The following EYA3 variants were observed in gnomAD, a reference collection of about 807,000 sequenced individuals.
The protein encoded by EYA3 is EYA transcriptional coactivator and phosphatase 3.
In EYA3, 39 loss-of-function variants were observed where a neutral mutation model predicts 80.0. The ratio of observed to expected loss-of-function variants is 0.49; its 90% CI spans 0.38 to 0.64. The LOEUF (loss-of-function observed/expected upper bound fraction) is 0.64, where lower values mean the gene tolerates loss of function less well. Among genes scored for constraint, EYA3 ranks in the 30% least tolerant of loss-of-function variants. EYA3 has a pLI of 0.00. For missense variants in EYA3, 523 were observed against 676.1 expected, an observed-to-expected ratio of 0.77 and a Z score of 2.51; for synonymous variants, 206 against 232.8, an observed-to-expected ratio of 0.88 and a Z score of 1.05.
intron 2 of EYA3, among the ~76,000 whole-genome samples, chr1:28,055,467 T>C (rs1251824709): frequency 1.4e-5 from 2 of 144,194 alleles, no homozygotes; most frequent in Non-Finnish European, 3.0e-5. Flanking sequence ...AAAATCTTTT[T>C]TTTTTTTTTT....
chr1:27,986,013 T>C (rs1433596391), intron 16 of EYA3, among the ~76,000 whole-genome samples: 2 of 152,170 alleles, frequency 1.3e-5, no homozygotes, highest in African/African-American at 2.4e-5. Flanking sequence ...TATTTTCTTT[T>C]TCCTTTAAAA....
rs1638755954 is a variant in EYA3, at chr1:27,972,098, G to C, written c.*2368C>G. On this transcript the variant is annotated 3_prime_UTR_variant, in exon 18 of 18. Coordinates refer to ENST00000373871, the MANE Select transcript of EYA3 (RefSeq NM_001990.4). ...CAAAAGGGTGGAGAGGGAAGTATCT[G>C]TGTGTGTGTGCTTGCGTGCATGGTG... The C allele has an allele frequency of 6.6e-6, 1 of 152,190 alleles. No individual in the cohort carries two copies. The highest frequency in any genetic ancestry group is 1.9e-4 in the East Asian group (1 of 5,200). The allele number at this position is 152,190 out of a possible 1,614,324, so 9.4% of individuals were successfully genotyped here.
intron 5 of EYA3, among the ~76,000 whole-genome samples, chr1:28,037,993 T>C (rs1192661820): frequency 1.3e-5 from 2 of 152,214 alleles, no homozygotes; most frequent in East Asian, 3.9e-4. Context: ...GTATACACAC[T>C]GTTCTGCACC....
chr1:28,047,355 A>G (rs1269992654), intron 3 of EYA3, among the ~76,000 whole-genome samples: 1 of 152,144 alleles, frequency 6.6e-6, no homozygotes, highest in African/African-American at 2.4e-5. Context: ...TATAAGGAAG[A>G]AACTAAAGTT....
chr1:28,086,223 C>CTTTT lies in EYA3; in HGVS notation c.-69+2297_-69+2300dup, dbSNP rs5773209. On this transcript the variant is annotated intron_variant, in intron 1 of 17. Transcript: ENST00000373871. ...AAATTAACTGTTTAAGTTGTAATTTCTTTTTTTTTTTTAAGAGAGTCTCAC... is the reference window on the plus strand; with the variant it reads ...AAATTAACTGTTTAAGTTGTAATTTCTTTTTTTTTTTTTTTTAAGAGAGTCTCAC... Among the ~76,000 whole-genome samples the CTTTT allele has an allele frequency of 2.5e-3, 365 of 146,710 alleles. 1 individual carries two copies. Among genetic ancestry groups the CTTTT allele is most frequent in the African/African-American group, 8.8e-3 (352 of 39,976 alleles).
At chr1:27,975,918 G>T (rs1213711019) in intron 17 of EYA3, among the ~76,000 whole-genome samples, 4 of 152,138 alleles carry the variant, frequency 2.6e-5, no homozygotes, top group Admixed American at 1.3e-4. Flanking sequence ...TGATTCTCAT[G>T]TGGAGGCCAT....
chr1:28,013,187 T>A lies in EYA3; in HGVS notation c.693A>T (p.Thr231=). The change falls in exon 9 of 18, where the codon ACA becomes ACT. Residue 231 remains threonine, a synonymous_variant. Transcript: ENST00000373871. This position sits in a 1 kb window ranked among gnomAD's most constrained non-coding sequence, Gnocchi z 4.0. Reference sequence around the variant, plus strand: ...CCGACTGGTATGTGGTTGCTGCTAATGTGGTGCTCTCTGCATCACTGTTAG... The same window carrying A: ...CCGACTGGTATGTGGTTGCTGCTAAAGTGGTGCTCTCTGCATCACTGTTAG... ...GQTNSDAEST[T]LAATTYQSEK... is the part of the protein sequence containing the mutation. The A allele has an allele frequency of 6.2e-7, 1 of 1,614,170 alleles. No homozygotes were observed. Among genetic ancestry groups the A allele is most frequent in the Non-Finnish European group, 8.5e-7 (1 of 1,180,010 alleles).
At chr1:28,003,536 T>C (rs1283090907) in intron 11 of EYA3, among the ~76,000 whole-genome samples, 8 of 152,006 alleles carry the variant, frequency 5.3e-5, no homozygotes, top group African/African-American at 1.9e-4. Context: ...TTAGTAACCA[T>C]ATGAAATAAC....
intron 13 of EYA3, among the ~76,000 whole-genome samples, chr1:27,994,984 A>G (rs899186246): frequency 6.6e-6 from 1 of 151,834 alleles, no homozygotes; most frequent in African/African-American, 2.4e-5. Context: ...AAAAAAAGGA[A>G]CCACTTCTGT....
Position 28,067,763 on chromosome 1 carries a change from A to G in EYA3, c.-68-9669T>C, listed in dbSNP as rs144804250. ...CAAAAGCAACGAACTTCCAATAGTT[A>G]AAGAATTTGCTATTGGAAGAGACTT... On this transcript the variant is annotated intron_variant, in intron 1 of 17. Transcript: ENST00000373871. 6.8e-3 allele frequency among the ~76,000 whole-genome samples: 1,031 copies of G among 152,342 alleles called. 5 individuals are homozygous for G. Among genetic ancestry groups the G allele is most frequent in the Non-Finnish European group, 0.01 (711 of 68,022 alleles).
At chr1:28,068,891 C>CCGCCT (rs796445819) in intron 1 of EYA3, among the ~76,000 whole-genome samples, 166 of 152,290 alleles carry the variant, frequency 1.1e-3, no homozygotes, top group African/African-American at 3.9e-3. Flanking sequence ...ACTGCAACCT[C>CCGCCT]CGCCTCCTGG....
chr1:28,061,902 G>A (rs1014340623), intron 1 of EYA3, among the ~76,000 whole-genome samples: 2 of 141,506 alleles, frequency 1.4e-5, no homozygotes, highest in South Asian at 2.3e-4. Context: ...CCCGGTCAAC[G>A]GTTTTTTTTT....
chr1:28,015,614 T>G (rs961024635), intron 8 of EYA3, among the ~76,000 whole-genome samples: 1 of 151,950 alleles, frequency 6.6e-6, no homozygotes, highest in Non-Finnish European at 1.5e-5. Flanking sequence ...AAAAAATTAA[T>G]GAGATAGTAT....
At chr1:28,061,116 T>G (rs1396875082) in intron 1 of EYA3, among the ~76,000 whole-genome samples, 3 of 152,158 alleles carry the variant, frequency 2.0e-5, no homozygotes, top group African/African-American at 4.8e-5. Flanking sequence ...AAAAGCTGCC[T>G]ACAAGGAAAG....
intron 2 of EYA3, among the ~76,000 whole-genome samples, chr1:28,056,228 A>G (rs1409559433): frequency 6.6e-6 from 1 of 152,174 alleles, no homozygotes; most frequent in African/African-American, 2.4e-5. Context: ...GCCCTAAATC[A>G]TAAATCAACC....
chr1:28,065,984 G>A (rs971778892), intron 1 of EYA3, among the ~76,000 whole-genome samples: 1 of 151,932 alleles, frequency 6.6e-6, no homozygotes, highest in African/African-American at 2.4e-5. Context: ...ACTCCAGCCT[G>A]GGCAAGAGTG....
rs547355033 is a variant in EYA3 at position 28,044,573 on chromosome 1, A to C, written c.78-1923T>G. On this transcript the variant is annotated intron_variant, in intron 3 of 17. Coordinates refer to ENST00000373871, the MANE Select transcript of EYA3 (RefSeq NM_001990.4). ...TGGAAGACACTGTACCAGAGGTTCT[A>C]TATATCTGGAAAGATAATGCTGACT... Among the ~76,000 whole-genome samples, 8 of 152,350 alleles carry C rather than the reference A, an allele frequency of 5.3e-5. No homozygotes were observed. In the South Asian group the frequency reaches 1.7e-3, roughly 32 times the overall value.
rs758620704 is a variant in EYA3, at chr1:28,048,397, T to C, written c.63A>G (p.Gly21=). 6.2e-7 allele frequency: 1 copy of C among 1,611,888 alleles called. No individual in the cohort carries two copies. Among genetic ancestry groups the C allele is most frequent in the Non-Finnish European group, 8.5e-7 (1 of 1,178,846 alleles). ...PVKKAKMQES[G]EQTISQVSNP... ...ACTTTACATACCTTATAGTTTGCTC[T>C]CCTGATTCCTGCATCTTGGCTTTTT... The change falls in exon 3 of 18, where the codon GGA becomes GGG. Residue 21 remains glycine (G), a synonymous_variant. Transcript: ENST00000373871.
chr1:28,027,243 GAGGAAGAACT>G (rs1243515248), intron 7 of EYA3, among the ~76,000 whole-genome samples: 1 of 152,144 alleles, frequency 6.6e-6, no homozygotes, highest in Non-Finnish European at 1.5e-5. Flanking sequence ...AACTCTGTTA[GAGGAAGAACT>G]TGGAAGGTAA....
Sources: allele counts gnomAD v4.1 joint callset (sites outside exome capture counted in the v4.1 genomes callset), GRCh38; gene constraint gnomAD v4.1.1; non-coding constraint Gnocchi (gnomAD v3.1); transcripts MANE v1.5; gene names NCBI Gene and HGNC (gene_info 2026-07-23, HGNC 2026-07-21).